Variants in STK39 observed in about 807,000 individuals in gnomAD.
The protein encoded by STK39 is STE20/SPS1-related proline-alanine-rich protein kinase.
In STK39, 20 loss-of-function variants were observed where a neutral mutation model predicts 77.8. The observed-to-expected ratio is 0.26, with a 90% CI of 0.18 to 0.37. The LOEUF (loss-of-function observed/expected upper bound fraction) is 0.37, where lower values mean the gene tolerates loss of function less well. Among genes scored for constraint, STK39 ranks in the 10% least tolerant of loss-of-function variants. STK39 has a pLI of 1.00. For synonymous variants in STK39, 246 were observed against 234.1 expected (o/e 1.05, Z -0.47); for missense variants, 479 against 656.5 (o/e 0.73, Z 2.95).
chr2:168,013,960 A>T (rs1467149500), intron 15 of STK39, among the ~76,000 whole-genome samples: 2 of 152,174 alleles, frequency 1.3e-5, no homozygotes, highest in Non-Finnish European at 2.9e-5. Flanking sequence ...ATAAATGGTA[A>T]CTATGATGAT....
intron 1 of STK39, among the ~76,000 whole-genome samples, chr2:168,239,888 T>C (rs1231262290): frequency 1.3e-5 from 2 of 151,918 alleles, no homozygotes; most frequent in Non-Finnish European, 2.9e-5. Context: ...GAGGCAGAGA[T>C]TGTTTGTGTG....
chr2:168,171,873 C>CG (rs1559131906), intron 2 of STK39, among the ~76,000 whole-genome samples: 1 of 110,598 alleles, frequency 9.0e-6, no homozygotes, highest in East Asian at 3.4e-4. Context: ...CCCCCCCACA[C>CG]ACAAAACATT....
chr2:168,079,528 G>A (rs116772742), intron 10 of STK39, among the ~76,000 whole-genome samples: 3,002 of 152,266 alleles, frequency 0.02, 96 homozygotes, highest in African/African-American at 0.069. Flanking sequence ...ACTACAGATG[G>A]CCACCGGCCA....
intron 1 of STK39, among the ~76,000 whole-genome samples, chr2:168,197,320 C>T (rs927229362): frequency 3.9e-5 from 6 of 152,132 alleles, no homozygotes; most frequent in African/African-American, 1.4e-4. Flanking sequence ...CTATAATCAT[C>T]ACTCCATTTT....
chr2:168,191,356 C>A (rs1689335150), intron 1 of STK39, among the ~76,000 whole-genome samples: 1 of 152,072 alleles, frequency 6.6e-6, no homozygotes, highest in South Asian at 2.1e-4. Context: ...GGTCTTCAAT[C>A]AAAGGTTATT....
At chr2:168,140,850 T>A in intron 5 of STK39, 92 bp from the exon 6 acceptor site, 2 of 1,057,884 alleles carry the variant, frequency 1.9e-6, no homozygotes, top group Non-Finnish European at 2.7e-6. Context: ...TTTGTGAGCT[T>A]TACAGTGGTG....
chr2:168,159,260 AAG>A (rs1384065503), intron 5 of STK39, among the ~76,000 whole-genome samples: 1 of 152,202 alleles, frequency 6.6e-6, no homozygotes, highest in African/African-American at 2.4e-5. Context: ...ACAAAGGGGA[AAG>A]AGCAAAAACA....
At chr2:168,061,957 A>T (rs1411434481) in intron 14 of STK39, among the ~76,000 whole-genome samples, 4 of 152,182 alleles carry the variant, frequency 2.6e-5, no homozygotes, top group East Asian at 3.9e-4. Flanking sequence ...AGGAGCCCAG[A>T]ACAGAAAAGT....
intron 10 of STK39, among the ~76,000 whole-genome samples, chr2:168,103,902 C>T (rs747173158): frequency 6.6e-6 from 1 of 152,144 alleles, no homozygotes; most frequent in East Asian, 1.9e-4. Flanking sequence ...GCACTAATGC[C>T]AAAAGTTGTA....
chr2:168,012,434 A>T (rs1406361573), intron 16 of STK39, among the ~76,000 whole-genome samples, 200 bp downstream of exon 16: 2 of 152,110 alleles, frequency 1.3e-5, no homozygotes, highest in Non-Finnish European at 2.9e-5. Flanking sequence ...TGGCCTCCCA[A>T]AGTGCTGGGA....
chr2:168,064,267 T>C (rs1685738703), intron 13 of STK39, among the ~76,000 whole-genome samples: 1 of 152,186 alleles, frequency 6.6e-6, no homozygotes, highest in Non-Finnish European at 1.5e-5. Flanking sequence ...CAGTACTAGT[T>C]ATCCTAATCC....
rs1393817286 is a variant in STK39, at chr2:168,247,065, A to T, written c.208+163T>A. Among the ~76,000 whole-genome samples the T allele has an allele frequency of 2.3e-3, 296 of 127,670 alleles. 2 individuals carry two copies. The highest frequency in any genetic ancestry group is 7.2e-3 in the East Asian group (19 of 2,654). The allele number at this position is 127,670 out of a possible 152,430, so 83.8% of individuals were successfully genotyped here. On this transcript the variant is annotated intron_variant, in intron 1 of 17. Coordinates refer to ENST00000355999, the MANE Select transcript of STK39 (RefSeq NM_013233.3). ...ACGAACAAATACATTAAAAATTAAA[A>T]AAAAAAAAAAAAAAAAAAAAAAAAC... is the stretch of plus-strand genomic sequence containing the variant.
intron 16 of STK39, among the ~76,000 whole-genome samples, chr2:167,983,253 GT>G (rs1217639471): frequency 6.6e-6 from 1 of 152,038 alleles, no homozygotes; most frequent in African/African-American, 2.4e-5. Context: ...GCTGAGGCGG[GT>G]GGATCACCTG....
chr2:168,008,768 C>A (rs4668000), intron 16 of STK39, among the ~76,000 whole-genome samples: 1 of 151,856 alleles, frequency 6.6e-6, no homozygotes, highest in Non-Finnish European at 1.5e-5. Context: ...AAGGAAATAC[C>A]AGTAAGATGG....
intron 10 of STK39, among the ~76,000 whole-genome samples, chr2:168,075,786 C>A (rs1346429950): frequency 6.6e-6 from 1 of 152,084 alleles, no homozygotes; most frequent in Non-Finnish European, 1.5e-5. Context: ...TTCTGCTCAA[C>A]CTATTTGAAC....
At chr2:168,062,393 CG>C (rs1685687096) in intron 14 of STK39, among the ~76,000 whole-genome samples, 2 of 152,170 alleles carry the variant, frequency 1.3e-5, no homozygotes. Context: ...GCTAAATTCA[CG>C]AACTGTGAAT....
At chr2:168,161,241 C>A (rs1362426643) in intron 5 of STK39, among the ~76,000 whole-genome samples, 1 of 152,168 alleles carries the variant, frequency 6.6e-6, no homozygotes, top group Non-Finnish European at 1.5e-5. Flanking sequence ...AAAATAGAGG[C>A]TTTGAACACG....
intron 1 of STK39, among the ~76,000 whole-genome samples, chr2:168,237,135 T>C (rs922013209): frequency 6.6e-6 from 1 of 152,238 alleles, no homozygotes; most frequent in African/African-American, 2.4e-5. Context: ...CAGTGGTTTG[T>C]AGTTCTCCTT....
intron 7 of STK39, among the ~76,000 whole-genome samples, chr2:168,138,972 A>G (rs1687906545): frequency 1.3e-5 from 2 of 152,254 alleles, no homozygotes; most frequent in South Asian, 4.1e-4. Context: ...CTGTACAATC[A>G]ATAAAACTCA....
Sources: allele counts gnomAD v4.1 joint callset (sites outside exome capture counted in the v4.1 genomes callset), GRCh38; gene constraint gnomAD v4.1.1; transcripts MANE v1.5; gene names NCBI Gene and HGNC (gene_info 2026-07-23, HGNC 2026-07-21).